ATP1B1: variants seen among roughly 807,000 people sequenced by gnomAD.
The protein encoded by ATP1B1 is sodium/potassium-transporting ATPase subunit beta-1.
Under a neutral mutation model 39.6 loss-of-function variants are expected in ATP1B1, and 3 were observed. The observed-to-expected ratio is 0.08, with a 90% CI of 0.03 to 0.20. ATP1B1 has a LOEUF of 0.20. Among genes scored for constraint, ATP1B1 ranks in the 10% least tolerant of loss-of-function variants. The pLI, the probability that ATP1B1 is intolerant of heterozygous loss-of-function variation, is 1.00. For synonymous variants in ATP1B1, 139 were observed against 135.0 expected (o/e 1.03, Z -0.20); for missense variants, 216 against 371.1 (o/e 0.58, Z 3.43).
At chr1:169,115,897 G>A (rs1657834609) in intron 2 of ATP1B1, among the ~76,000 whole-genome samples, 1 of 152,212 alleles carries the variant, frequency 6.6e-6, no homozygotes, top group Admixed American at 6.5e-5. Context: ...TGTTGGGTTA[G>A]CGCCTGCCAA....
intron 2 of ATP1B1, among the ~76,000 whole-genome samples, chr1:169,120,535 C>G (rs1657955772): frequency 6.6e-6 from 1 of 152,164 alleles, no homozygotes; most frequent in Non-Finnish European, 1.5e-5. Flanking sequence ...AGGCTTTGGC[C>G]TAGGGTCTAA....
intron 2 of ATP1B1, among the ~76,000 whole-genome samples, chr1:169,115,685 G>A (rs557415673): frequency 6.6e-6 from 1 of 152,296 alleles, no homozygotes; most frequent in South Asian, 2.1e-4. Context: ...ACTAGAAGCA[G>A]CAGTTTCTTC....
chr1:169,130,060 A>C lies in ATP1B1; in HGVS notation c.618A>C (p.Pro206=). 1.9e-6 allele frequency: 3 copies of C among 1,614,086 alleles called. No individual in the cohort carries two copies. The highest frequency in any genetic ancestry group is 2.5e-6 in the Non-Finnish European group (3 of 1,179,970). The change falls in exon 5 of 6, where the codon CCA becomes CCC. Residue 206 remains proline, a synonymous_variant. Transcript: ENST00000367815. ...CTTACCCAGTGATGAAGTATAACCC[A>C]AATGTCCTTCCCGTTCAGTGCACTG... ...LETYPVMKYN[P]NVLPVQCTGK...
intron 2 of ATP1B1, among the ~76,000 whole-genome samples, chr1:169,120,949 T>C (rs953157260): frequency 8.1e-6 from 1 of 123,030 alleles, no homozygotes. Flanking sequence ...TCTTTTCTTT[T>C]CTTTTTTTTT....
intron 2 of ATP1B1, among the ~76,000 whole-genome samples, chr1:169,120,611 T>C (rs1300148755): frequency 6.6e-6 from 1 of 152,228 alleles, no homozygotes; most frequent in Non-Finnish European, 1.5e-5. Flanking sequence ...CACCCCTTGC[T>C]TTCTTGGTTT....
intron 2 of ATP1B1, among the ~76,000 whole-genome samples, chr1:169,123,511 G>A (rs1658025837): frequency 6.6e-6 from 1 of 151,852 alleles, no homozygotes; most frequent in African/African-American, 2.4e-5. Flanking sequence ...GTAGAATCAA[G>A]TTGCCAGATT....
chr1:169,107,089 T>C (rs1161591681), intron 1 of ATP1B1, among the ~76,000 whole-genome samples, 163 bp downstream of exon 1: 1 of 152,070 alleles, frequency 6.6e-6, no homozygotes, highest in Non-Finnish European at 1.5e-5. Flanking sequence ...GGGCTTGCAG[T>C]CCTGTGCGGA....
intron 2 of ATP1B1, among the ~76,000 whole-genome samples, chr1:169,123,469 C>T (rs1222310630): frequency 6.6e-6 from 1 of 151,666 alleles, no homozygotes; most frequent in Admixed American, 6.6e-5. Context: ...CTTATGGGCC[C>T]CACACAGAGA....
At chr1:169,129,874 T>C in intron 4 of ATP1B1, 136 bp from the exon 5 acceptor site, 1 of 693,628 alleles carries the variant, frequency 1.4e-6, no homozygotes, top group East Asian at 2.8e-5. Flanking sequence ...TTCATTCTGC[T>C]GTCCTGATGT....
intron 1 of ATP1B1, among the ~76,000 whole-genome samples, chr1:169,110,140 G>A (rs939574490): frequency 1.3e-5 from 2 of 152,072 alleles, no homozygotes; most frequent in African/African-American, 4.8e-5. Flanking sequence ...TAACAGCTCT[G>A]TAGCCTGATT....
intron 2 of ATP1B1, 123 bp downstream of exon 2, chr1:169,111,621 A>G: frequency 7.3e-7 from 1 of 1,369,810 alleles, no homozygotes; most frequent in African/African-American, 1.5e-5. Flanking sequence ...ATGAAAAGGG[A>G]AAAGAGAAAC....
chr1:169,121,891 G>A (rs1012986396), intron 2 of ATP1B1, among the ~76,000 whole-genome samples: 1 of 152,112 alleles, frequency 6.6e-6, no homozygotes, highest in East Asian at 1.9e-4. Context: ...TCACACCAAT[G>A]TCCCTATGGT....
intron 2 of ATP1B1, among the ~76,000 whole-genome samples, chr1:169,120,662 C>T (rs1055658194): frequency 6.6e-6 from 1 of 152,218 alleles, no homozygotes; most frequent in African/African-American, 2.4e-5. Context: ...AGTCAAGATT[C>T]TTCAAGCAGC....
intron 1 of ATP1B1, among the ~76,000 whole-genome samples, chr1:169,109,109 G>A (rs1557946215): frequency 6.6e-6 from 1 of 152,212 alleles, no homozygotes; most frequent in Non-Finnish European, 1.5e-5. Flanking sequence ...ATCACAGCAT[G>A]CAAATCACTT....
chr1:169,118,331 G>C (rs1449586123), intron 2 of ATP1B1, among the ~76,000 whole-genome samples: 1 of 152,200 alleles, frequency 6.6e-6, no homozygotes, highest in African/African-American at 2.4e-5. Flanking sequence ...CGGGGATTCA[G>C]TTTTCTAAGA....
chr1:169,114,436 A>G (rs1182734348), intron 2 of ATP1B1, among the ~76,000 whole-genome samples: 2 of 152,230 alleles, frequency 1.3e-5, no homozygotes, highest in Admixed American at 6.5e-5. Context: ...TGAGGCATGA[A>G]TGCAAATCCA....
Position 169,130,054 on chromosome 1 carries a change from T to C in ATP1B1, c.612T>C (p.Tyr204=), listed in dbSNP as rs767859580. ...ESLETYPVMK[Y]NPNVLPVQCT... ...TGGAGACTTACCCAGTGATGAAGTA[T>C]AACCCAAATGTCCTTCCCGTTCAGT... The change falls in exon 5 of 6, where the codon TAT becomes TAC. Residue 204 remains tyrosine, a synonymous_variant. Coordinates refer to ENST00000367815, the MANE Select transcript of ATP1B1 (RefSeq NM_001677.4). 5.6e-6 allele frequency: 9 copies of C among 1,614,136 alleles called. No individual in the cohort carries two copies. Among genetic ancestry groups the C allele is most frequent in the Middle Eastern group, 1.7e-4 (1 of 6,054 alleles).
chr1:169,123,422 G>T (rs1658023810), intron 2 of ATP1B1, among the ~76,000 whole-genome samples: 1 of 151,954 alleles, frequency 6.6e-6, no homozygotes, highest in African/African-American at 2.4e-5. Context: ...GGAAGCCAGG[G>T]TAGAGTCACT....
chr1:169,111,608 AC>A, intron 2 of ATP1B1, 110 bp downstream of exon 2: 1 of 1,420,464 alleles, frequency 7.0e-7, no homozygotes, highest in Non-Finnish European at 9.4e-7. Flanking sequence ...TCTTAAAGCA[AC>A]CATGAAAAGG....
Sources: allele counts gnomAD v4.1 joint callset (sites outside exome capture counted in the v4.1 genomes callset), GRCh38; gene constraint gnomAD v4.1.1; transcripts MANE v1.5; gene names NCBI Gene and HGNC (gene_info 2026-07-23, HGNC 2026-07-21).